The following GRHL2 variants were observed in gnomAD, a reference collection of about 807,000 sequenced individuals.
The protein encoded by GRHL2 is grainyhead like transcription factor 2.
In GRHL2, 21 loss-of-function variants were observed where a neutral mutation model predicts 83.8. That is an observed-to-expected ratio of 0.25 (90% confidence interval 0.18 to 0.36). The LOEUF is 0.36. Ranked by LOEUF, GRHL2 falls within the 10% of genes least tolerant of loss-of-function variation. The probability of loss-of-function intolerance (pLI) is 1.00; values close to 1 mark genes in which losing one functional copy is unlikely to be tolerated. For missense variants in GRHL2, 623 were observed against 781.8 expected (o/e 0.80, Z 2.42); for synonymous variants, 280 against 278.9 (o/e 1.00, Z -0.04).
rs1325647733 is a variant in GRHL2, at chr8:101,666,765, AAGCCCC to A, written c.*71_*76del. The A allele has an allele frequency of 1.6e-4, 155 of 991,712 alleles. No homozygotes were observed. Among genetic ancestry groups the A allele is most frequent in the Non-Finnish European group, 2.4e-4 (150 of 617,248 alleles). The allele number at this position is 991,712 out of a possible 1,614,324, so 61.4% of individuals were successfully genotyped here. Reference sequence around the variant, plus strand: ...GTGCGTTCCTCCCTGAGAGAGACAGAAGCCCCAGCCCCAGAACCTGGAGACCCATCT... The same window carrying A: ...GTGCGTTCCTCCCTGAGAGAGACAGAAGCCCCAGAACCTGGAGACCCATCT... On this transcript the variant is annotated 3_prime_UTR_variant, in exon 16 of 16. Transcript: ENST00000646743.
chr8:101,635,595 C>A (rs1813268610), intron 11 of GRHL2, among the ~76,000 whole-genome samples: 1 of 152,208 alleles, frequency 6.6e-6, no homozygotes, highest in Admixed American at 6.5e-5. Flanking sequence ...TGGAATGCCC[C>A]AGCCTCCTTC....
chr8:101,514,699 C>T (rs2130021419), intron 1 of GRHL2, among the ~76,000 whole-genome samples: 1 of 152,260 alleles, frequency 6.6e-6, no homozygotes, highest in African/African-American at 2.4e-5. Flanking sequence ...GTGAAAGTTT[C>T]CTAACAACTC....
chr8:101,515,419 T>C (rs1810553438), intron 1 of GRHL2, among the ~76,000 whole-genome samples: 2 of 152,228 alleles, frequency 1.3e-5, no homozygotes, highest in Non-Finnish European at 1.5e-5. Flanking sequence ...TCACGGATTC[T>C]GTCCTTGTTA....
intron 1 of GRHL2, among the ~76,000 whole-genome samples, chr8:101,538,519 G>A (rs754248503): frequency 1.7e-4 from 26 of 152,214 alleles, no homozygotes; most frequent in Non-Finnish European, 2.6e-4. Flanking sequence ...CTCCAAAGCA[G>A]GACCTTGGGA....
At chr8:101,608,510 A>C (rs1404993984) in intron 8 of GRHL2, among the ~76,000 whole-genome samples, 1 of 152,216 alleles carries the variant, frequency 6.6e-6, no homozygotes, top group Non-Finnish European at 1.5e-5. Flanking sequence ...ACAGATGTAA[A>C]TAATTGTAAT....
chr8:101,672,206 A>C (rs1245460780), downstream of GRHL2, among the ~76,000 whole-genome samples: 11 of 151,786 alleles, frequency 7.2e-5, no homozygotes, highest in Admixed American at 7.2e-4. Flanking sequence ...TGGATGGGGA[A>C]TGACTTTGAC....
chr8:101,601,379 A>G (rs1812511601), intron 8 of GRHL2, among the ~76,000 whole-genome samples: 1 of 152,180 alleles, frequency 6.6e-6, no homozygotes, highest in Non-Finnish European at 1.5e-5. Context: ...CCTAACCTGG[A>G]AGGTACAGTT....
chr8:101,636,992 T>C, intron 12 of GRHL2, 64 bp downstream of exon 12: 1 of 1,418,748 alleles, frequency 7.0e-7, no homozygotes, highest in Non-Finnish European at 1.0e-6. Context: ...TAATGGCTCT[T>C]CCAGCACTTG....
intron 1 of GRHL2, among the ~76,000 whole-genome samples, chr8:101,518,878 C>A (rs971672712): frequency 6.6e-6 from 1 of 152,168 alleles, no homozygotes; most frequent in Non-Finnish European, 1.5e-5. Context: ...AAGCACTCTA[C>A]GTAATTTGTT....
At chr8:101,607,836 AT>A (rs747618783) in intron 8 of GRHL2, among the ~76,000 whole-genome samples, 97 of 152,200 alleles carry the variant, frequency 6.4e-4, no homozygotes, top group Non-Finnish European at 1.1e-3. Flanking sequence ...TTATAAGGTA[AT>A]GGATGTTAGG....
rs558420615 is a variant in GRHL2, at chr8:101,609,340, A to G, written c.1098+10189A>G. Among the ~76,000 whole-genome samples the G allele has an allele frequency of 8.2e-5, 9 of 109,324 alleles. No homozygotes were observed. The East Asian group carries it at 2.1e-3, about 26-fold the overall frequency. The allele number at this position is 109,324 out of a possible 152,430, so 71.7% of individuals were successfully genotyped here. A position where few individuals can be genotyped will look rare whatever the true frequency, so the allele number is the denominator to read the frequency against. On this transcript the variant is annotated intron_variant, in intron 8 of 15. Coordinates refer to ENST00000646743, the MANE Select transcript of GRHL2 (RefSeq NM_024915.4). Reference sequence around the variant, plus strand: ...GCTGACTTCGTAGATTGTTAGAAACACAAATACTTGTCTCCCAACCCAGGT... The same window carrying G: ...GCTGACTTCGTAGATTGTTAGAAACGCAAATACTTGTCTCCCAACCCAGGT...
At chr8:101,529,446 A>AG (rs1810876071) in intron 1 of GRHL2, 1 of 159,208 alleles carries the variant, frequency 6.3e-6, no homozygotes, top group Non-Finnish European at 1.4e-5. Flanking sequence ...AAAAAAAAAA[A>AG]AGTGCCTGGA....
Position 101,667,031 on chromosome 8 carries a change from C to A in GRHL2, c.*328C>A. ...CACTGCTAGCTCCAGATGAGACCGT[C>A]CAGCGTTCCCCCTTCAAGAGAAACA... is the stretch of plus-strand genomic sequence containing the variant. On this transcript the variant is annotated 3_prime_UTR_variant, in exon 16 of 16. Coordinates refer to ENST00000646743, the MANE Select transcript of GRHL2 (RefSeq NM_024915.4). 2 of 430,852 alleles carry A rather than the reference C, an allele frequency of 4.6e-6. No homozygotes were observed. Among genetic ancestry groups the A allele is most frequent in the Admixed American group, 3.4e-5 (1 of 29,148 alleles). 26.7% of individuals were successfully genotyped at this position (430,852 alleles called of 1,614,324 possible). A position where few individuals can be genotyped will look rare whatever the true frequency, so the allele number is the denominator to read the frequency against.
At chr8:101,585,933 G>T (rs1812154460) in intron 7 of GRHL2, among the ~76,000 whole-genome samples, 1 of 151,982 alleles carries the variant, frequency 6.6e-6, no homozygotes, top group African/African-American at 2.4e-5. Flanking sequence ...GTGTGATGGG[G>T]GTGGTCCTCG....
At position 101,543,246 on chromosome 8, in the gene GRHL2, A is replaced by C; in HGVS notation, c.26A>C (p.Lys9Thr). MSQESDNN[K>T]RLVALVPMPS... ...CATTTCTCTTGTTTTTACAGTAATAAAAGACTAGTGGCCTTAGTGCCCATG... is the reference window on the plus strand; with the variant it reads ...CATTTCTCTTGTTTTTACAGTAATACAAGACTAGTGGCCTTAGTGCCCATG... The change falls in exon 2 of 16, where the codon AAA becomes ACA. Residue 9 changes from lysine (K) to threonine (T), a missense_variant. By Grantham distance (78) the Lys-to-Thr change is moderately conservative. Transcript: ENST00000646743. The C allele has an allele frequency of 1.2e-6, 2 of 1,613,698 alleles. No homozygotes were observed. The highest frequency in any genetic ancestry group is 1.7e-6 in the Non-Finnish European group (2 of 1,179,596).
chr8:101,583,972 G>A (rs1322206269), intron 7 of GRHL2, among the ~76,000 whole-genome samples: 1 of 152,198 alleles, frequency 6.6e-6, no homozygotes. Flanking sequence ...CAGCTCTTGT[G>A]CTTTCAGAAC....
intron 13 of GRHL2, 134 bp from the exon 14 acceptor site, chr8:101,649,280 A>G: frequency 1.4e-6 from 1 of 717,228 alleles, no homozygotes; most frequent in South Asian, 1.5e-5. Context: ...AATGTTAGTT[A>G]TCTGGACCAG....
intron 8 of GRHL2, among the ~76,000 whole-genome samples, chr8:101,605,418 T>G (rs888448847): frequency 6.6e-6 from 1 of 152,248 alleles, no homozygotes; most frequent in African/African-American, 2.4e-5. Context: ...GATTTTTGTT[T>G]TAAGCCAAAG....
At chr8:101,675,810 T>C in the GRHL2 span, among the ~76,000 whole-genome samples, 1 of 152,090 alleles carries the variant, frequency 6.6e-6, no homozygotes, top group Admixed American at 6.5e-5. Context: ...CTTCAAACTA[T>C]ACTACAAGGC....
Sources: gnomAD v4.1 joint callset for allele counts (sites outside exome capture counted in the v4.1 genomes callset) on GRCh38, gnomAD v4.1.1 for gene constraint, MANE v1.5 for transcripts, NCBI Gene and HGNC (gene_info 2026-07-23, HGNC 2026-07-21) for gene names.